The following PROCR variants were observed in gnomAD, a reference collection of about 807,000 sequenced individuals.
PROCR encodes the protein endothelial protein C receptor.
In PROCR, 22 loss-of-function variants were observed where a neutral mutation model predicts 24.2. That is an observed-to-expected ratio of 0.91 (90% CI 0.65 to 1.30). PROCR has a LOEUF of 1.30. Ranked by LOEUF, PROCR falls within the 50% of genes most tolerant of loss-of-function variation. PROCR has a pLI of 0.00. For missense variants in PROCR, 288 were observed against 307.7 expected (o/e 0.94, Z 0.48); for synonymous variants, 137 against 139.2 (o/e 0.98, Z 0.11).
downstream of PROCR, among the ~76,000 whole-genome samples, chr20:35,181,764 T>G (rs1176324167): frequency 6.6e-6 from 1 of 152,178 alleles, no homozygotes; most frequent in Non-Finnish European, 1.5e-5. Context: ...TCCAGAGGTA[T>G]GCTAAGATTA....
downstream of PROCR, among the ~76,000 whole-genome samples, chr20:35,178,507 G>GTTTT (rs1203789471): frequency 5.5e-4 from 19 of 34,374 alleles, 6 homozygotes; most frequent in East Asian, 1.7e-3. Flanking sequence ...TCAAGTCTCA[G>GTTTT]TTTTTTTTTT....
In PROCR at chr20:35,172,221, G is replaced by A. The variant is rs759013787; in HGVS notation, c.67G>A (p.Asp23Asn). Reference sequence around the variant, plus strand: ...GGCCTTTTGTAGCCAAGACGCCTCAGATGGTGAGTCGGGGGCACATCTCCT... The same window carrying A: ...GGCCTTTTGTAGCCAAGACGCCTCAAATGGTGAGTCGGGGGCACATCTCCT... ...GWAFCSQDAS[D>N]GLQRLHMLQI... Residue 23 changes from aspartate (D) to asparagine (N), a missense_variant, in exon 1 of 4, where the codon GAT becomes AAT. Coordinates refer to ENST00000216968, the MANE Select transcript of PROCR (RefSeq NM_006404.5). 1.9e-6 allele frequency: 3 copies of A among 1,614,070 alleles called. No homozygotes were observed. The highest frequency in any genetic ancestry group is 3.3e-5 in the Admixed American group (2 of 60,002).
chr20:35,208,972 C>CA (rs1004809154), intron 1 of PROCR, among the ~76,000 whole-genome samples: 14 of 151,910 alleles, frequency 9.2e-5, no homozygotes, highest in Non-Finnish European at 1.9e-4. Flanking sequence ...ACTCCATCCC[C>CA]AAAAAATAAA....
chr20:35,181,931 G>A (rs2086082470), downstream of PROCR, among the ~76,000 whole-genome samples: 1 of 152,196 alleles, frequency 6.6e-6, no homozygotes, highest in Admixed American at 6.5e-5. Context: ...CACAGGAATG[G>A]TATTAAGGAT....
rs1169867430 is a variant in PROCR at position 35,205,906 on chromosome 20, A to AT, written c.95-9986dup. On this transcript the variant is annotated intron_variant, in intron 1 of 1. Transcript: ENST00000634509. Reference sequence around the variant, plus strand: ...GTATATATGTGTATGACCTCCGGTGATCCCCCCCCCAACCTCGGCCTCCCA... The same window carrying AT: ...GTATATATGTGTATGACCTCCGGTGATTCCCCCCCCCAACCTCGGCCTCCCA... 6.2e-5 allele frequency among the ~76,000 whole-genome samples: 9 copies of AT among 145,130 alleles called. No individual in the cohort carries two copies. In the South Asian group the frequency reaches 8.7e-4, roughly 14 times the overall value.
intron 1 of PROCR, among the ~76,000 whole-genome samples, chr20:35,200,306 G>A (rs1000875654): frequency 5.3e-5 from 8 of 152,206 alleles, no homozygotes; most frequent in Admixed American, 1.3e-4. Flanking sequence ...ACATGCTACA[G>A]AGAAATATTT....
chr20:35,205,769 ATATATATATATATATATATG>A (rs1364335270), intron 1 of PROCR, among the ~76,000 whole-genome samples: 1 of 45,928 alleles, frequency 2.2e-5, no homozygotes, highest in Non-Finnish European at 5.2e-5. Context: ...ATATATATAT[ATATATATATATATATATATG>A]TATATATACA....
chr20:35,176,049 C>A, intron 2 of PROCR, 119 bp from the exon 3 acceptor site: 1 of 1,192,706 alleles, frequency 8.4e-7, no homozygotes, highest in Non-Finnish European at 1.2e-6. Flanking sequence ...CTGACCTAGA[C>A]TCCCCTCTCC....
chr20:35,191,233 C>G (rs1401238902), intron 1 of PROCR, among the ~76,000 whole-genome samples: 1 of 152,098 alleles, frequency 6.6e-6, no homozygotes, highest in African/African-American at 2.4e-5. Flanking sequence ...CAGTAACCTG[C>G]TATTGTTCTT....
intron 1 of PROCR, among the ~76,000 whole-genome samples, chr20:35,189,332 G>T (rs1427467397): frequency 6.6e-6 from 1 of 152,162 alleles, no homozygotes; most frequent in Non-Finnish European, 1.5e-5. Flanking sequence ...GATAAGGGAT[G>T]AAACACACCC....
chr20:35,171,843 G>T (rs1388109341), upstream of PROCR, among the ~76,000 whole-genome samples: 1 of 152,070 alleles, frequency 6.6e-6, no homozygotes, highest in East Asian at 1.9e-4. Context: ...CCCCTTTTCC[G>T]CTCCCTGTTC....
intron 1 of PROCR, among the ~76,000 whole-genome samples, chr20:35,173,431 T>C (rs374060878): frequency 0.037 from 4,734 of 128,198 alleles, 161 homozygotes; most frequent in African/African-American, 0.16. Flanking sequence ...TTCTTTTTTT[T>C]TTTTTTTTTT....
At chr20:35,188,101 C>A (rs753347007) in intron 1 of PROCR, among the ~76,000 whole-genome samples, 1 of 152,212 alleles carries the variant, frequency 6.6e-6, no homozygotes. Context: ...CAGTTCAACA[C>A]GTGTGCCTTG....
Position 35,174,718 on chromosome 20 carries a change from T to G in PROCR, c.87T>G (p.His29Gln), listed in dbSNP as rs752113781. Residue 29 changes from histidine to glutamine, a missense_variant, in exon 2 of 4, where the codon CAT becomes CAG. His to Gln is a conservative substitution (Grantham distance 24). Coordinates refer to ENST00000216968, the MANE Select transcript of PROCR (RefSeq NM_006404.5). Reference protein sequence around the residue: ...QDASDGLQRLHMLQISYFRDP... With the variant: ...QDASDGLQRLQMLQISYFRDP... ...TGCCCGCAGGCCTCCAAAGACTTCA[T>G]ATGCTCCAGATCTCCTACTTCCGCG... 8 of 1,614,062 alleles carry G rather than the reference T, an allele frequency of 5.0e-6. No homozygotes were observed. The highest frequency in any genetic ancestry group is 6.8e-6 in the Non-Finnish European group (8 of 1,180,014).
chr20:35,184,356 A>G (rs1288407334), intron 1 of PROCR, among the ~76,000 whole-genome samples: 2 of 152,242 alleles, frequency 1.3e-5, no homozygotes, highest in African/African-American at 4.8e-5. Flanking sequence ...AGCCACAGGT[A>G]GAAGAACGAA....
At chr20:35,174,530 C>T (rs2085985806) in intron 1 of PROCR, 172 bp from the exon 2 acceptor site, 3 of 805,418 alleles carry the variant, frequency 3.7e-6, no homozygotes, top group Admixed American at 1.8e-5. Flanking sequence ...CTGTCCTGTC[C>T]TCCTGGCAGA....
chr20:35,172,058 C>T (rs2146138879), upstream of PROCR: 1 of 1,155,990 alleles, frequency 8.7e-7, no homozygotes, highest in East Asian at 2.4e-5. Flanking sequence ...CTCCGCCCCT[C>T]CCAGACGGTC....
intron 2 of PROCR, among the ~76,000 whole-genome samples, chr20:35,175,504 G>C (rs2086002979): frequency 6.9e-6 from 1 of 145,454 alleles, no homozygotes; most frequent in African/African-American, 2.6e-5. Context: ...AAAGCACCAA[G>C]CACCACTCCG....
intron 1 of PROCR, among the ~76,000 whole-genome samples, chr20:35,204,454 G>C: frequency 7.7e-6 from 1 of 129,652 alleles, no homozygotes; most frequent in Non-Finnish European, 1.6e-5. Context: ...TCTTTTCTTT[G>C]TGGCAGGGAC....
Sources: gnomAD v4.1 joint callset for allele counts (sites outside exome capture counted in the v4.1 genomes callset) on GRCh38, gnomAD v4.1.1 for gene constraint, MANE v1.5 for transcripts, NCBI Gene and HGNC (gene_info 2026-07-23, HGNC 2026-07-21) for gene names.